Variants in LPP observed in about 807,000 individuals in gnomAD.
LPP encodes lipoma-preferred partner.
LPP carries 38 observed loss-of-function variants against 60.4 expected under a neutral mutation model. The ratio of observed to expected loss-of-function variants is 0.63; its 90% CI spans 0.49 to 0.83. The LOEUF (loss-of-function observed/expected upper bound fraction) is 0.83, where lower values mean the gene tolerates loss of function less well. Ranked by LOEUF, LPP falls within the 40% of genes least tolerant of loss-of-function variation. The pLI, the probability that LPP is intolerant of heterozygous loss-of-function variation, is 0.00. For missense variants in LPP, 902 were observed against 783.6 expected, an observed-to-expected ratio of 1.15 and a Z score of -1.80; for synonymous variants, 328 against 290.8, an observed-to-expected ratio of 1.13 and a Z score of -1.30.
At chr3:188,164,299 A>G (rs915397982) in intron 1 of LPP, among the ~76,000 whole-genome samples, 2 of 152,156 alleles carry the variant, frequency 1.3e-5, no homozygotes, top group Non-Finnish European at 2.9e-5. Context: ...TGGGTCCCTG[A>G]ATCTATTATT....
intron 7 of LPP, among the ~76,000 whole-genome samples, chr3:188,689,786 TG>T (rs1318546801): frequency 6.6e-6 from 1 of 152,218 alleles, no homozygotes. Context: ...TGAAGTGACT[TG>T]CCCAAATCCA....
chr3:188,748,009 G>C (rs1029255891), intron 8 of LPP, among the ~76,000 whole-genome samples: 5 of 152,142 alleles, frequency 3.3e-5, no homozygotes, highest in Non-Finnish European at 2.9e-5. Flanking sequence ...TTAAAAGTCA[G>C]TGTACTCAAA....
chr3:188,551,296 G>A (rs1218588016), intron 6 of LPP, among the ~76,000 whole-genome samples: 1 of 152,082 alleles, frequency 6.6e-6, no homozygotes, highest in Non-Finnish European at 1.5e-5. Flanking sequence ...AAGACTTATT[G>A]ACTACCACGA....
At chr3:188,225,147 C>T (rs921595653) in intron 1 of LPP, among the ~76,000 whole-genome samples, 3 of 152,116 alleles carry the variant, frequency 2.0e-5, no homozygotes, top group African/African-American at 7.2e-5. Context: ...TGACTTGCCT[C>T]TTTCACCTCC....
intron 2 of LPP, among the ~76,000 whole-genome samples, chr3:188,296,261 T>TA (rs766225794): frequency 4.6e-5 from 7 of 152,140 alleles, no homozygotes; most frequent in Non-Finnish European, 7.3e-5. Context: ...AGATTTGACT[T>TA]AAAAATGTCT....
intron 7 of LPP, among the ~76,000 whole-genome samples, chr3:188,670,131 A>G (rs1856675859): frequency 6.6e-6 from 1 of 152,208 alleles, no homozygotes; most frequent in African/African-American, 2.4e-5. Flanking sequence ...GAGGGATAGC[A>G]TTAGGAGAAA....
intron 2 of LPP, among the ~76,000 whole-genome samples, chr3:188,287,057 C>T (rs1427027497): frequency 1.3e-5 from 2 of 152,164 alleles, no homozygotes; most frequent in African/African-American, 2.4e-5. Context: ...CCCATCACCA[C>T]ACCTGGCTAA....
chr3:188,733,914 T>G (rs891868069), intron 8 of LPP, among the ~76,000 whole-genome samples: 13 of 152,140 alleles, frequency 8.5e-5, no homozygotes, highest in African/African-American at 3.1e-4. Flanking sequence ...TTAAAATATC[T>G]GTCTTGTCCA....
chr3:188,611,930 C>T (rs774227254), intron 7 of LPP, among the ~76,000 whole-genome samples: 16 of 152,154 alleles, frequency 1.1e-4, no homozygotes, highest in Middle Eastern at 3.2e-3. Flanking sequence ...TAACATTTGG[C>T]CTGTCCTCAC....
intron 10 of LPP, among the ~76,000 whole-genome samples, chr3:188,868,447 GA>G (rs1318795398): frequency 5.3e-5 from 8 of 152,122 alleles, no homozygotes; most frequent in Admixed American, 3.3e-4. Context: ...CTAAAAGGGG[GA>G]AAAAAATTAA....
At chr3:188,861,556 A>G (rs771462144) in intron 9 of LPP, among the ~76,000 whole-genome samples, 1 of 152,194 alleles carries the variant, frequency 6.6e-6, no homozygotes, top group Non-Finnish European at 1.5e-5. Flanking sequence ...TAATATGTAA[A>G]TAATGGTAAT....
At chr3:188,179,731 T>C (rs536545415) in intron 1 of LPP, 1 of 348,826 alleles carries the variant, frequency 2.9e-6, no homozygotes, top group South Asian at 2.2e-5. Context: ...GCATCCTGAG[T>C]CAGTGAGAGC....
At position 188,415,382 on chromosome 3, in the gene LPP, T is replaced by C. The variant is rs112490510; in HGVS notation, c.193+9069T>C. 1.0e-3 allele frequency among the ~76,000 whole-genome samples: 153 copies of C among 152,284 alleles called. 1 individual carries two copies. Among genetic ancestry groups the C allele is most frequent in the African/African-American group, 3.5e-3 (145 of 41,574 alleles). ...CGATGGAAAACTCTTTGGCGGTATT[T>C]TACAAAAGTAAACATGTACTAACCA... is the stretch of plus-strand genomic sequence containing the variant. On this transcript the variant is annotated intron_variant, in intron 4 of 11. Transcript: ENST00000617246.
intron 6 of LPP, among the ~76,000 whole-genome samples, chr3:188,584,818 A>G (rs1432845278): frequency 6.6e-6 from 1 of 151,524 alleles, no homozygotes; most frequent in Non-Finnish European, 1.5e-5. Flanking sequence ...CTTTTCTACC[A>G]ACCTTTTTTG....
At chr3:188,865,070 C>T (rs968892274) in intron 9 of LPP, among the ~76,000 whole-genome samples, 1 of 152,186 alleles carries the variant, frequency 6.6e-6, no homozygotes, top group African/African-American at 2.4e-5. Context: ...AGTTCTGCAT[C>T]TTTCTAATAA....
chr3:188,648,578 C>A (rs1349703125), intron 7 of LPP, among the ~76,000 whole-genome samples: 1 of 152,168 alleles, frequency 6.6e-6, no homozygotes, highest in African/African-American at 2.4e-5. Flanking sequence ...GTCTTCTGTC[C>A]TGTTTGTCTC....
chr3:188,791,129 G>T (rs1463239961), intron 9 of LPP, among the ~76,000 whole-genome samples: 4 of 152,158 alleles, frequency 2.6e-5, no homozygotes, highest in South Asian at 2.1e-4. Context: ...GTAGGCCTCA[G>T]AGTGGAAGGG....
intron 9 of LPP, among the ~76,000 whole-genome samples, chr3:188,797,947 A>G (rs1234725636): frequency 6.6e-6 from 1 of 152,206 alleles, no homozygotes; most frequent in African/African-American, 2.4e-5. Context: ...ATGAACTTGG[A>G]CAAGTTTCTT....
intron 8 of LPP, among the ~76,000 whole-genome samples, chr3:188,746,294 A>T (rs1347454888): frequency 3.9e-5 from 6 of 152,136 alleles, no homozygotes; most frequent in African/African-American, 1.4e-4. Flanking sequence ...CCTATAAGGG[A>T]ACTGTTTAAA....
Sources: allele counts gnomAD v4.1 joint callset (sites outside exome capture counted in the v4.1 genomes callset), GRCh38; gene constraint gnomAD v4.1.1; transcripts MANE v1.5; gene names NCBI Gene and HGNC (gene_info 2026-07-23, HGNC 2026-07-21).